Variants in SLC24A3 observed in about 807,000 individuals in gnomAD.
SLC24A3 encodes the protein solute carrier family 24 member 3.
In SLC24A3, 28 loss-of-function variants were observed where a neutral mutation model predicts 75.8. The observed-to-expected ratio is 0.37, with a 90% CI of 0.27 to 0.51. SLC24A3 has a LOEUF of 0.51. Among genes scored for constraint, SLC24A3 ranks in the 20% least tolerant of loss-of-function variants. SLC24A3 has a pLI of 0.94. For synonymous variants in SLC24A3, 372 were observed against 334.1 expected, an observed-to-expected ratio of 1.11 and a Z score of -1.24; for missense variants, 663 against 847.8, an observed-to-expected ratio of 0.78 and a Z score of 2.71.
chr20:19,683,138 T>C (rs886387380), intron 10 of SLC24A3, among the ~76,000 whole-genome samples: 1 of 152,184 alleles, frequency 6.6e-6, no homozygotes, highest in African/African-American at 2.4e-5. Context: ...AAATTAAATA[T>C]TTGATATATT....
At chr20:19,683,198 A>G (rs1266824522) in intron 10 of SLC24A3, among the ~76,000 whole-genome samples, 2 of 152,208 alleles carry the variant, frequency 1.3e-5, no homozygotes, top group Non-Finnish European at 2.9e-5. Context: ...GTGATTTAGT[A>G]CCATTTCACA....
intron 3 of SLC24A3, among the ~76,000 whole-genome samples, chr20:19,541,100 G>A (rs2030487940): frequency 6.6e-6 from 1 of 152,184 alleles, no homozygotes; most frequent in South Asian, 2.1e-4. Flanking sequence ...TTTAAAAGCA[G>A]CTTTTTACTT....
chr20:19,243,250 A>G (rs944445705), intron 1 of SLC24A3, among the ~76,000 whole-genome samples: 1 of 152,240 alleles, frequency 6.6e-6, no homozygotes, highest in African/African-American at 2.4e-5. Context: ...GATATGAATA[A>G]CATTGGAATA....
chr20:19,580,762 A>G (rs2031207482), intron 4 of SLC24A3, among the ~76,000 whole-genome samples: 1 of 151,970 alleles, frequency 6.6e-6, no homozygotes, highest in African/African-American at 2.4e-5. Flanking sequence ...TTATTTATTT[A>G]TTTATATTTA....
intron 2 of SLC24A3, among the ~76,000 whole-genome samples, chr20:19,486,555 G>A (rs962542379): frequency 1.3e-5 from 2 of 152,176 alleles, no homozygotes; most frequent in Admixed American, 6.5e-5. Flanking sequence ...GGGGGCCATG[G>A]CCCCACACCC....
intron 2 of SLC24A3, among the ~76,000 whole-genome samples, chr20:19,476,991 T>C (rs1600245444): frequency 6.6e-6 from 1 of 152,202 alleles, no homozygotes; most frequent in East Asian, 1.9e-4. Flanking sequence ...GGGTAAACCC[T>C]ACGGGTGTCA....
intron 1 of SLC24A3, among the ~76,000 whole-genome samples, chr20:19,242,957 AT>A (rs1223899262): frequency 6.6e-6 from 1 of 151,960 alleles, no homozygotes; most frequent in East Asian, 1.9e-4. Flanking sequence ...GTTGAACCAC[AT>A]TTTTTTTCCT....
chr20:19,416,574 C>A (rs1459526237), intron 2 of SLC24A3, among the ~76,000 whole-genome samples: 3 of 152,138 alleles, frequency 2.0e-5, no homozygotes, highest in African/African-American at 4.8e-5. Context: ...CAAGCCGGTG[C>A]CTTGTCCTGC....
intron 2 of SLC24A3, among the ~76,000 whole-genome samples, chr20:19,383,925 A>G (rs888525444): frequency 2.0e-5 from 3 of 152,344 alleles, no homozygotes; most frequent in Admixed American, 6.5e-5. Flanking sequence ...CTTGGGGATT[A>G]GCGATTCAAT....
intron 6 of SLC24A3, among the ~76,000 whole-genome samples, chr20:19,593,142 G>A (rs1196895047): frequency 6.6e-6 from 1 of 152,184 alleles, no homozygotes; most frequent in African/African-American, 2.4e-5. Flanking sequence ...TACCATCATG[G>A]CAGCTGAGCA....
At position 19,344,326 on chromosome 20, in the gene SLC24A3, A is replaced by T. The variant is rs1396938774; in HGVS notation, c.271+63239A>T. On this transcript the variant is annotated intron_variant, in intron 2 of 16. Transcript: ENST00000328041. ...TGGATATGATACTCTGTCTCTGAGC[A>T]GTACTTGCGAGCATTCTGAATCCTA... Among the ~76,000 whole-genome samples, 5 of 152,228 alleles carry T rather than the reference A, an allele frequency of 3.3e-5. No individual in the cohort carries two copies. The South Asian group carries it at 6.2e-4, about 19-fold the overall frequency.
Position 19,287,387 on chromosome 20 carries a change from G to C in SLC24A3, c.271+6300G>C, listed in dbSNP as rs549338795. ...ATGACAACCTCTAACCTCAAGGGAG[G>C]CTGGCCCATGTACATCAGTGGAATG... On this transcript the variant is annotated intron_variant, in intron 2 of 16. Coordinates refer to ENST00000328041, the MANE Select transcript of SLC24A3 (RefSeq NM_020689.4). 4.6e-5 allele frequency among the ~76,000 whole-genome samples: 7 copies of C among 152,360 alleles called. No individual in the cohort carries two copies. The South Asian group carries it at 1.0e-3, about 23-fold the overall frequency.
intron 1 of SLC24A3, among the ~76,000 whole-genome samples, chr20:19,270,874 A>T (rs1423499303): frequency 6.6e-6 from 1 of 151,882 alleles, no homozygotes; most frequent in Non-Finnish European, 1.5e-5. Context: ...AGGTGGGGTC[A>T]GTCAACATCC....
chr20:19,585,200 C>T lies in SLC24A3; in HGVS notation c.508+145C>T, dbSNP rs1457000136. Reference sequence around the variant, plus strand: ...CCCAATGAGTAGAACATCAGCCTCCCATCTGCCGTTGTTGTTTTATTTAAG... The same window carrying T: ...CCCAATGAGTAGAACATCAGCCTCCTATCTGCCGTTGTTGTTTTATTTAAG... On this transcript the variant is annotated intron_variant, in intron 5 of 16. Coordinates refer to ENST00000328041, the MANE Select transcript of SLC24A3 (RefSeq NM_020689.4). The T allele has an allele frequency of 6.4e-6, 5 of 783,794 alleles. No homozygotes were observed. The African/African-American group carries it at 8.7e-5, about 14-fold the overall frequency. 48.6% of individuals were successfully genotyped at this position (783,794 alleles called of 1,614,324 possible).
chr20:19,520,232 A>G (rs541139351), intron 3 of SLC24A3, among the ~76,000 whole-genome samples: 3 of 152,324 alleles, frequency 2.0e-5, no homozygotes, highest in East Asian at 3.9e-4. Context: ...AGACATATCA[A>G]GGAGAATATT....
intron 2 of SLC24A3, among the ~76,000 whole-genome samples, chr20:19,297,270 T>C (rs1478070131): frequency 6.6e-6 from 1 of 152,210 alleles, no homozygotes; most frequent in African/African-American, 2.4e-5. Context: ...CTTTTTACCC[T>C]TCTACTTTGG....
chr20:19,590,424 A>C (rs2031359386), intron 6 of SLC24A3, among the ~76,000 whole-genome samples: 1 of 152,050 alleles, frequency 6.6e-6, no homozygotes, highest in African/African-American at 2.4e-5. Context: ...CAGATTTTCC[A>C]AGAAGCTGGG....
At position 19,665,866 on chromosome 20, in the gene SLC24A3, T is replaced by C. The variant is rs763436016; in HGVS notation, c.690T>C (p.Phe230=). ...YTLSVIALIV[F]IYDEKVSWWE... is the part of the protein sequence containing the mutation. ...CTATTCTTTTTATTTTTTCACAGTT[T>C]ATTTATGATGAAAAAGTTTCCTGGT... Residue 230 remains phenylalanine (F), a splice_region_variant and synonymous_variant, in exon 8 of 17, where the codon TTT becomes TTC. Coordinates refer to ENST00000328041, the MANE Select transcript of SLC24A3 (RefSeq NM_020689.4). 21 of 1,608,392 alleles carry C rather than the reference T, an allele frequency of 1.3e-5. No homozygotes were observed. Among genetic ancestry groups the C allele is most frequent in the Non-Finnish European group, 3.4e-6 (4 of 1,177,414 alleles).
At chr20:19,460,886 C>T (rs960429444) in intron 2 of SLC24A3, among the ~76,000 whole-genome samples, 12 of 152,180 alleles carry the variant, frequency 7.9e-5, no homozygotes, top group Non-Finnish European at 1.3e-4. Context: ...GACCAGGCCT[C>T]CTCCAGTTGT....
Sources: allele counts gnomAD v4.1 joint callset (sites outside exome capture counted in the v4.1 genomes callset), GRCh38; gene constraint gnomAD v4.1.1; transcripts MANE v1.5; gene names NCBI Gene and HGNC (gene_info 2026-07-23, HGNC 2026-07-21).